Variants in PYHIN1 observed in about 807,000 individuals in gnomAD.
The protein encoded by PYHIN1 is pyrin and HIN domain-containing protein 1.
In PYHIN1, 32 loss-of-function variants were observed where a neutral mutation model predicts 43.7. The observed-to-expected ratio is 0.73, with a 90% CI of 0.55 to 0.98. The LOEUF is 0.98. Among genes scored for constraint, PYHIN1 ranks in the 50% least tolerant of loss-of-function variants. The probability of loss-of-function intolerance (pLI) is 0.00; values close to 1 mark genes in which losing one functional copy is unlikely to be tolerated. For synonymous variants in PYHIN1, 205 were observed against 203.1 expected (o/e 1.01, Z -0.08); for missense variants, 588 against 589.5 (o/e 1.00, Z 0.03).
rs926530815 is a variant in PYHIN1, at chr1:158,954,498, A to T, written c.1359+9456A>T. On this transcript the variant is annotated intron_variant, in intron 7 of 8. Transcript: ENST00000368140. ...AACCCAGAATTTCATATCCAGCCAA[A>T]TTAAGCTTCATAAGTGAAGGAGAAA... Among the ~76,000 whole-genome samples the T allele has an allele frequency of 4.0e-4, 60 of 150,798 alleles. 1 individual carries two copies. Among genetic ancestry groups the T allele is most frequent in the African/African-American group, 1.4e-3 (58 of 40,988 alleles).
intron 7 of PYHIN1, among the ~76,000 whole-genome samples, chr1:158,959,742 C>T (rs929765068): frequency 2.0e-5 from 3 of 152,132 alleles, no homozygotes; most frequent in Non-Finnish European, 2.9e-5. Context: ...TTCATGATAG[C>T]GTTTGAACAA....
chr1:158,934,236 A>C (rs1648366361), intron 1 of PYHIN1, among the ~76,000 whole-genome samples: 2 of 152,246 alleles, frequency 1.3e-5, no homozygotes, highest in African/African-American at 4.8e-5. Context: ...GCATCAAAAC[A>C]TATGAATATT....
At chr1:158,962,338 C>G (rs1650368253) in intron 7 of PYHIN1, among the ~76,000 whole-genome samples, 2 of 152,148 alleles carry the variant, frequency 1.3e-5, no homozygotes, top group South Asian at 4.1e-4. Flanking sequence ...GCCATTTTTT[C>G]TGTCTTGCAG....
rs1230105894 is a variant in PYHIN1 at position 158,938,466 on chromosome 1, T to G, written c.335T>G (p.Val112Gly). 6.2e-6 allele frequency: 10 copies of G among 1,614,060 alleles called. No homozygotes were observed. The African/African-American group carries it at 1.1e-4, about 17-fold the overall frequency. ...IPSKKTKQKEVYPATPACTPS... is the reference protein window; with the variant it reads ...IPSKKTKQKEGYPATPACTPS... ...TCTAAAAAGACGAAACAGAAAGAAG[T>G]GTATCCTGCTACACCTGCATGCACC... The change falls in exon 3 of 9, where the codon GTG becomes GGG. Residue 112 changes from valine to glycine, a missense_variant. Coordinates refer to ENST00000368140, the MANE Select transcript of PYHIN1 (RefSeq NM_152501.5).
At chr1:158,981,818 C>G (rs532934329), downstream of PYHIN1, among the ~76,000 whole-genome samples, 1 of 152,206 alleles carries the variant, frequency 6.6e-6, no homozygotes, top group East Asian at 1.9e-4. Flanking sequence ...TATTTTTTGA[C>G]TTTTTAATAG....
chr1:158,978,263 G>A (rs1301448400), downstream of PYHIN1, among the ~76,000 whole-genome samples: 1 of 150,524 alleles, frequency 6.6e-6, no homozygotes, highest in Non-Finnish European at 1.5e-5. Flanking sequence ...ATATGTGTGT[G>A]TGTGTCTATA....
rs1315221432 is a variant in PYHIN1, at chr1:158,957,287, G to T, written c.1359+12245G>T. 4.0e-5 allele frequency among the ~76,000 whole-genome samples: 6 copies of T among 151,196 alleles called. No individual in the cohort carries two copies. The East Asian group carries it at 9.7e-4, about 25-fold the overall frequency. On this transcript the variant is annotated intron_variant, in intron 7 of 8. Transcript: ENST00000368140. ...TTCATATGGAACCAAAAAAGAGCCC[G>T]CATTGCCAAGGCAATCCTAAGCCAA...
rs1364764929 is a variant in PYHIN1, at chr1:158,939,219, C to T, written c.551C>T (p.Ser184Leu). 2.5e-6 allele frequency: 4 copies of T among 1,606,468 alleles called. No individual in the cohort carries two copies. Among genetic ancestry groups the T allele is most frequent in the Middle Eastern group, 3.3e-4 (2 of 6,040 alleles). ...TCCCCACCTCCCCAGACCTCATCAT[C>T]AGCTCCACCCAACACTTCCTCAACT... Reference protein sequence around the residue: ...GRSPPPQTSSSAPPNTSSTES... With the variant: ...GRSPPPQTSSLAPPNTSSTES... The change falls in exon 4 of 9, where the codon TCA becomes TTA. Residue 184 changes from serine to leucine, a missense_variant. Ser to Leu is a moderately radical substitution (Grantham distance 145). Coordinates refer to ENST00000368140, the MANE Select transcript of PYHIN1 (RefSeq NM_152501.5).
chr1:158,966,855 C>G (rs111532678), intron 7 of PYHIN1, among the ~76,000 whole-genome samples: 1 of 151,810 alleles, frequency 6.6e-6, no homozygotes, highest in Non-Finnish European at 1.5e-5. Flanking sequence ...CTAGAAATCC[C>G]GGCCAGAGGA....
chr1:158,973,505 TCACACACACACACA>T (rs144676333), intron 7 of PYHIN1, 128 bp from the exon 8 acceptor site: 7 of 483,372 alleles, frequency 1.4e-5, no homozygotes, highest in South Asian at 3.7e-5. Flanking sequence ...AAAGGGATTT[TCACACACACACACA>T]CACACACACA....
At position 158,937,187 on chromosome 1, in the gene PYHIN1, G is replaced by A. The variant is rs1648612949; in HGVS notation, c.265+12G>A. 3.8e-6 allele frequency: 6 copies of A among 1,561,632 alleles called. No individual in the cohort carries two copies. In the East Asian group the frequency reaches 1.3e-4, roughly 35 times the overall value. On this transcript the variant is annotated intron_variant, in intron 2 of 8. Transcript: ENST00000368140. ...AGAAAAGTTAAAAGGTAATTGGGAA[G>A]AGGGAACACCCACTCCCTGCAATGA... is the stretch of plus-strand genomic sequence containing the variant.
At chr1:158,969,536 G>T (rs1475373292) in intron 7 of PYHIN1, among the ~76,000 whole-genome samples, 15 of 151,866 alleles carry the variant, frequency 9.9e-5, no homozygotes, top group Non-Finnish European at 1.5e-5. Context: ...TTTTGTTGCT[G>T]CTTTTGTTCT....
intron 7 of PYHIN1, among the ~76,000 whole-genome samples, chr1:158,961,537 C>T (rs856072): frequency 0.32 from 48,552 of 151,646 alleles, 8,170 homozygotes; most frequent in South Asian, 0.49. Flanking sequence ...ACCGAGAAAA[C>T]AACTTTACCC....
chr1:158,963,762 GAAAGAAGGTTTCTAACTACTCA>G (rs1650463353), intron 7 of PYHIN1, among the ~76,000 whole-genome samples: 1 of 152,128 alleles, frequency 6.6e-6, no homozygotes, highest in Non-Finnish European at 1.5e-5. Flanking sequence ...CAACATCCAG[GAAAGAAGGTTTCTAACTACTCA>G]AAAGAAACAG....
chr1:158,988,037 A>G, the PYHIN1 span, among the ~76,000 whole-genome samples: 1 of 152,230 alleles, frequency 6.6e-6, no homozygotes, highest in Non-Finnish European at 1.5e-5. Flanking sequence ...TCAAACCGCT[A>G]GAACCTACGG....
intron 7 of PYHIN1, among the ~76,000 whole-genome samples, chr1:158,966,058 C>T (rs1233161469): frequency 2.0e-5 from 3 of 152,092 alleles, no homozygotes; most frequent in Admixed American, 1.3e-4. Context: ...CCACTGACCC[C>T]ACAGAAATAC....
chr1:158,951,275 A>G (rs1462555320), intron 7 of PYHIN1, among the ~76,000 whole-genome samples: 1 of 152,140 alleles, frequency 6.6e-6, no homozygotes, highest in Non-Finnish European at 1.5e-5. Context: ...GTTCATTGCC[A>G]TAAGCCAATG....
chr1:158,968,740 C>A (rs1248760692), intron 7 of PYHIN1, among the ~76,000 whole-genome samples: 2 of 150,172 alleles, frequency 1.3e-5, no homozygotes, highest in Non-Finnish European at 2.9e-5. Flanking sequence ...GTGGCACATG[C>A]ACACCATGGA....
At chr1:158,955,570 A>T (rs1479764661) in intron 7 of PYHIN1, among the ~76,000 whole-genome samples, 1 of 150,008 alleles carries the variant, frequency 6.7e-6, no homozygotes, top group Non-Finnish European at 1.5e-5. Flanking sequence ...CAAAGACACA[A>T]CATACCAGAA....
Sources: gnomAD v4.1 joint callset for allele counts (sites outside exome capture counted in the v4.1 genomes callset) on GRCh38, gnomAD v4.1.1 for gene constraint, MANE v1.5 for transcripts, NCBI Gene and HGNC (gene_info 2026-07-23, HGNC 2026-07-21) for gene names.